Variants in AXIN1 observed in about 807,000 individuals in gnomAD.
The protein encoded by AXIN1 is axin-1.
A neutral mutation model predicts 76.4 loss-of-function variants in AXIN1; 30 were observed. That is an observed-to-expected ratio of 0.39 (90% CI 0.29 to 0.53). The LOEUF (loss-of-function observed/expected upper bound fraction) is 0.53. Among genes scored for constraint, AXIN1 ranks in the 20% least tolerant of loss-of-function variants. AXIN1 has a pLI of 0.66. For synonymous variants in AXIN1, 545 were observed against 501.4 expected (o/e 1.09, Z -1.16); for missense variants, 1,140 against 1,198.8 (o/e 0.95, Z 0.72).
intron 2 of AXIN1, among the ~76,000 whole-genome samples, chr16:337,682 C>A (rs2053834850): frequency 6.6e-6 from 1 of 152,154 alleles, no homozygotes; most frequent in African/African-American, 2.4e-5. Flanking sequence ...AGAGCTGAGC[C>A]CATTTGCCAG....
At chr16:303,855 A>G (rs2052942145) in intron 5 of AXIN1, among the ~76,000 whole-genome samples, 1 of 151,732 alleles carries the variant, frequency 6.6e-6, no homozygotes, top group Non-Finnish European at 1.5e-5. Context: ...AAGGAACCAA[A>G]AGTGACCAGG....
chr16:331,939 G>A (rs1444338445), intron 2 of AXIN1, among the ~76,000 whole-genome samples: 1 of 152,184 alleles, frequency 6.6e-6, no homozygotes, highest in East Asian at 1.9e-4. Context: ...AGGCCTGTGG[G>A]TTCCAGAGAC....
chr16:332,397 G>C (rs2053710712), intron 2 of AXIN1, among the ~76,000 whole-genome samples: 1 of 151,874 alleles, frequency 6.6e-6, no homozygotes, highest in African/African-American at 2.4e-5. Flanking sequence ...CTAACACAGT[G>C]AAACCCCATC....
At chr16:297,336 C>T (rs1303873420) in intron 6 of AXIN1, 110 bp from the exon 7 acceptor site, 45 of 1,432,862 alleles carry the variant, frequency 3.1e-5, no homozygotes, top group East Asian at 6.9e-5. Context: ...GTGGTGCAGC[C>T]GCCGCCCGCT....
chr16:326,394 T>TATATATATATATATACACACAC (rs144093618), intron 2 of AXIN1, among the ~76,000 whole-genome samples: 12 of 119,654 alleles, frequency 1.0e-4, no homozygotes, highest in Non-Finnish European at 1.5e-4. Context: ...TATATATATA[T>TATATATATATATATACACACAC]ACACACCTAT....
chr16:352,131 G>A (rs1329712506), intron 1 of AXIN1, among the ~76,000 whole-genome samples: 1 of 151,894 alleles, frequency 6.6e-6, no homozygotes, highest in African/African-American at 2.4e-5. Context: ...CCGGGCCCCC[G>A]CACGCGATGC....
intron 2 of AXIN1, among the ~76,000 whole-genome samples, chr16:344,464 C>G (rs1033096152): frequency 5.5e-5 from 8 of 145,282 alleles, no homozygotes; most frequent in Non-Finnish European, 1.1e-4. Context: ...TTAACCTACA[C>G]AATCCTTTTT....
chr16:293,483 CG>C lies in AXIN1; in HGVS notation c.2186+4del. ...GACCCACCCCACCCCACGACGCGGCCGTACCTCTGCTTGGAGGGTGCTCGGC... is the reference window on the plus strand; with the variant it reads ...GACCCACCCCACCCCACGACGCGGCCTACCTCTGCTTGGAGGGTGCTCGGC... On this transcript the variant is annotated splice_donor_region_variant and intron_variant, in intron 8 of 10. Transcript: ENST00000262320. This position sits in a 1 kb window ranked among gnomAD's most constrained non-coding sequence, Gnocchi z 4.6. 2 of 1,608,268 alleles carry C rather than the reference CG, an allele frequency of 1.2e-6. No individual in the cohort carries two copies. The highest frequency in any genetic ancestry group is 1.7e-6 in the Non-Finnish European group (2 of 1,179,802).
At chr16:342,241 C>T (rs1201197356) in intron 2 of AXIN1, among the ~76,000 whole-genome samples, 8 of 152,192 alleles carry the variant, frequency 5.3e-5, no homozygotes, top group Admixed American at 5.2e-4. Flanking sequence ...ACCACGAACC[C>T]ACCAGAAGGA....
At chr16:296,879 G>A (rs920166941) in intron 7 of AXIN1, among the ~76,000 whole-genome samples, 177 bp downstream of exon 7, 7 of 152,118 alleles carry the variant, frequency 4.6e-5, no homozygotes, top group African/African-American at 7.2e-5. Context: ...TCCTGGAGAC[G>A]TGGGGCCCAG....
At chr16:302,013 T>C (rs2052886798) in intron 5 of AXIN1, among the ~76,000 whole-genome samples, 1 of 152,224 alleles carries the variant, frequency 6.6e-6, no homozygotes, top group Admixed American at 6.5e-5. Context: ...TGTTTGGTTT[T>C]CAGACAACAG....
intron 2 of AXIN1, among the ~76,000 whole-genome samples, chr16:322,485 G>C (rs535286315): frequency 1.3e-5 from 2 of 152,220 alleles, no homozygotes; most frequent in African/African-American, 4.8e-5. Context: ...AGCTGAGTTA[G>C]CATGGCAGGT....
chr16:330,012 C>T (rs1205311997), intron 2 of AXIN1, among the ~76,000 whole-genome samples: 2 of 151,770 alleles, frequency 1.3e-5, no homozygotes, highest in African/African-American at 2.4e-5. Context: ...GTGATCCTCC[C>T]GCCTCGACCT....
intron 2 of AXIN1, among the ~76,000 whole-genome samples, chr16:338,264 G>A (rs1001589956): frequency 3.3e-5 from 5 of 152,222 alleles, no homozygotes; most frequent in Admixed American, 2.0e-4. Flanking sequence ...GGTGCCAGGC[G>A]GCCAGTCACG....
At chr16:310,095 T>C (rs1366117076) in intron 3 of AXIN1, 26 bp from the exon 4 acceptor site, 3 of 1,588,414 alleles carry the variant, frequency 1.9e-6, no homozygotes, top group Non-Finnish European at 2.6e-6. Flanking sequence ...AGGCAGCCGT[T>C]AACTCAGAGA....
chr16:350,998 G>A (rs371344593), intron 1 of AXIN1, among the ~76,000 whole-genome samples: 1 of 152,168 alleles, frequency 6.6e-6, no homozygotes, highest in Non-Finnish European at 1.5e-5. Flanking sequence ...AGGCTTGGTG[G>A]CGCATGCCTA....
At chr16:318,998 G>C (rs1468231016) in intron 2 of AXIN1, among the ~76,000 whole-genome samples, 1 of 148,666 alleles carries the variant, frequency 6.7e-6, no homozygotes. Context: ...GAGAGAATGC[G>C]GCCGGAGACT....
intron 2 of AXIN1, among the ~76,000 whole-genome samples, chr16:336,517 G>A (rs2053806397): frequency 6.6e-6 from 1 of 152,052 alleles, no homozygotes; most frequent in African/African-American, 2.4e-5. Context: ...CAAGAGGGCT[G>A]GTTCCCTAAA....
At chr16:345,441 G>A (rs2054014305) in intron 2 of AXIN1, among the ~76,000 whole-genome samples, 3 of 152,246 alleles carry the variant, frequency 2.0e-5, no homozygotes, top group African/African-American at 7.2e-5. Context: ...CTGGCCGGAT[G>A]CGGCGGCTCA....
Sources: allele counts gnomAD v4.1 joint callset (sites outside exome capture counted in the v4.1 genomes callset), GRCh38; gene constraint gnomAD v4.1.1; non-coding constraint Gnocchi (gnomAD v3.1); transcripts MANE v1.5; gene names NCBI Gene and HGNC (gene_info 2026-07-23, HGNC 2026-07-21).